Variants in TRPM1 observed in about 807,000 individuals in gnomAD.
The protein encoded by TRPM1 is TRPM1-203 APA Isoform, Intron 10.
In TRPM1, 113 loss-of-function variants were observed where a neutral mutation model predicts 149.4. The observed-to-expected ratio is 0.76, with a 90% CI of 0.65 to 0.88. The LOEUF (loss-of-function observed/expected upper bound fraction) is 0.88. TRPM1 is among the 40% of genes least tolerant of loss of function. The probability of loss-of-function intolerance (pLI) is 0.00; values close to 1 mark genes in which losing one functional copy is unlikely to be tolerated. For missense variants in TRPM1, 1,976 were observed against 2,038.7 expected (o/e 0.97, Z 0.59); for synonymous variants, 741 against 759.5 (o/e 0.98, Z 0.40).
intron 1 of TRPM1, among the ~76,000 whole-genome samples, chr15:31,133,218 C>T (rs1001092860): frequency 6.6e-6 from 1 of 151,914 alleles, no homozygotes; most frequent in East Asian, 1.9e-4. Context: ...GGGCGGATCA[C>T]TTGAGGTCAG....
upstream of TRPM1, among the ~76,000 whole-genome samples, chr15:31,105,472 TGC>T (rs1324745559): frequency 0.013 from 1,109 of 83,778 alleles, 8 homozygotes; most frequent in African/African-American, 0.052. Flanking sequence ...TGTGTGTGTG[TGC>T]GCGCGCGCGC....
chr15:31,072,016 TATAGAG>T (rs1228566569), intron 3 of TRPM1, among the ~76,000 whole-genome samples: 37 of 30,666 alleles, frequency 1.2e-3, no homozygotes, highest in South Asian at 4.0e-3. Flanking sequence ...TATATATATA[TATAGAG>T]AGAGAGAGAG....
At position 31,026,202 on chromosome 15, in the gene TRPM1, A is replaced by T; in HGVS notation, c.3566T>A (p.Phe1189Tyr). 1 of 1,612,592 alleles carries T rather than the reference A, an allele frequency of 6.2e-7. No homozygotes were observed. Among genetic ancestry groups the T allele is most frequent in the Non-Finnish European group, 8.5e-7 (1 of 1,180,008 alleles). Reference protein sequence around the residue: ...EFEEQCVQEHFREKEDEQQSS... With the variant: ...EFEEQCVQEHYREKEDEQQSS... ...CTGCTGCTCATCCTCCTTCTCCCGGAAGTGCTCCTGCACGCACTGCTCCTC... is the reference window on the plus strand; with the variant it reads ...CTGCTGCTCATCCTCCTTCTCCCGGTAGTGCTCCTGCACGCACTGCTCCTC... Residue 1189 changes from phenylalanine (F) to tyrosine (Y), a missense_variant, in exon 27 of 28, where the codon TTC becomes TAC. By Grantham distance (22) the Phe-to-Tyr change is conservative. Around this residue, in one of 3 missense-constraint regions of TRPM1, gnomAD observed 572 missense variants for 578.9 expected, o/e 0.99. Coordinates refer to ENST00000256552, the MANE Select transcript of TRPM1 (RefSeq NM_001252024.2).
intron 27 of TRPM1, among the ~76,000 whole-genome samples, chr15:31,024,048 A>G (rs1424054450): frequency 2.6e-5 from 4 of 152,158 alleles, no homozygotes; most frequent in African/African-American, 9.7e-5. Flanking sequence ...TGTAAAACTG[A>G]GTCATGAGAA....
chr15:31,064,629 G>A (rs929120131), intron 7 of TRPM1, among the ~76,000 whole-genome samples: 1 of 152,206 alleles, frequency 6.6e-6, no homozygotes, highest in East Asian at 1.9e-4. Context: ...TGGAAGTATC[G>A]TTGGTCTCAG....
At position 31,107,863 on chromosome 15, in the gene TRPM1, CT is replaced by C. The variant is rs1274420865; in HGVS notation, c.55-30880del. ...TGAATTTGTAAATTTCTTTTCTTTT[CT>C]TTTTTTTTTTTGAGACTGAGTCTTG... On this transcript the variant is annotated intron_variant, in intron 1 of 26. Coordinates refer to the TRPM1 transcript ENST00000542188. 1.0e-3 allele frequency among the ~76,000 whole-genome samples: 149 copies of C among 143,568 alleles called. 1 individual carries two copies. Among genetic ancestry groups the C allele is most frequent in the Middle Eastern group, 3.5e-3 (1 of 282 alleles). The allele number at this position is 143,568 out of a possible 152,430, so 94.2% of individuals were successfully genotyped here. A position where few individuals can be genotyped will look rare whatever the true frequency, so the allele number is the denominator to read the frequency against.
intron 1 of TRPM1, among the ~76,000 whole-genome samples, chr15:31,138,233 A>G (rs1316235073): frequency 3.3e-5 from 5 of 152,088 alleles, no homozygotes; most frequent in Non-Finnish European, 5.9e-5. Flanking sequence ...CCGCCCTCAC[A>G]AAGATTTTGA....
At chr15:31,078,998 TTC>T (rs1447824943) in intron 2 of TRPM1, among the ~76,000 whole-genome samples, 9 of 152,314 alleles carry the variant, frequency 5.9e-5, no homozygotes, top group Admixed American at 4.6e-4. Flanking sequence ...GGAGCTGGGT[TTC>T]TCACTGCTGG....
intron 3 of TRPM1, 176 bp from the exon 4 acceptor site, chr15:31,070,402 A>G (rs2034507437): frequency 1.4e-6 from 1 of 715,610 alleles, no homozygotes; most frequent in African/African-American, 1.7e-5. Context: ...TTTCCAGATA[A>G]TCAGTGCACA....
In TRPM1 at chr15:31,076,958, G is replaced by C. The variant is rs180878088; in HGVS notation, c.30C>G (p.Thr10=). MGQKSWIEK[T]FCKRECIFVI... is the part of the protein sequence containing the mutation. ...CAAAGATACATTCCCGTTTGCAAAA[G>C]GTTTTCTCTATCCAAGATTTCTGAC... The change falls in exon 3 of 28, where the codon ACC becomes ACG. Residue 10 remains threonine, a synonymous_variant. Transcript: ENST00000256552. 1.4e-5 allele frequency: 22 copies of C among 1,612,520 alleles called. No individual in the cohort carries two copies. The South Asian group carries it at 2.1e-4, about 15-fold the overall frequency.
In TRPM1 at chr15:31,146,495, C is replaced by T. The variant is rs2141056953; in HGVS notation, c.54+14411G>A. On this transcript the variant is annotated intron_variant, in intron 1 of 26. Coordinates refer to the TRPM1 transcript ENST00000542188. ...TCACCAAATGGAAACTAAGTTGTTA[C>T]CTGGCCTTCTGGGAAATCAGGAAAG... 2.6e-5 allele frequency among the ~76,000 whole-genome samples: 4 copies of T among 152,360 alleles called. 1 individual carries two copies. Among genetic ancestry groups the T allele is most frequent in the Admixed American group, 2.6e-4 (4 of 15,306 alleles).
rs767868813 is a variant in TRPM1 at position 31,068,027 on chromosome 15, C to A, written c.345G>T (p.Gln115His). ...ATATTAAGAGCTTGGGGAGTTCCAG[C>A]TGCCAATCTTTCACCATGAGATGGA... Reference protein sequence around the residue: ...SLLHLMVKDWQLELPKLLISV... With the variant: ...SLLHLMVKDWHLELPKLLISV... Residue 115 changes from glutamine to histidine, a missense_variant, in exon 5 of 28, where the codon CAG (glutamine) becomes CAT (histidine). Gln to His is a conservative substitution (Grantham distance 24). Transcript: ENST00000256552. The A allele has an allele frequency of 1.2e-6, 2 of 1,614,210 alleles. No individual in the cohort carries two copies. The highest frequency in any genetic ancestry group is 2.2e-5 in the East Asian group (1 of 44,884).
Position 31,031,151 on chromosome 15 carries a change from C to T in TRPM1, c.2959G>A (p.Asp987Asn), listed in dbSNP as rs2033054607. The change falls in exon 23 of 28, where the codon GAC becomes AAC. Residue 987 changes from aspartate (D) to asparagine (N), a missense_variant. Coordinates refer to ENST00000256552, the MANE Select transcript of TRPM1 (RefSeq NM_001252024.2). ...YVMMIGKMMI[D>N]MLYFVVIMLV... ...ATGATGACCACAAAGTACAGCATGT[C>T]GATCATCTGAGTAAGGAGAACATTT... The T allele has an allele frequency of 1.2e-6, 2 of 1,614,150 alleles. No individual in the cohort carries two copies. Among genetic ancestry groups the T allele is most frequent in the South Asian group, 1.1e-5 (1 of 91,060 alleles).
At chr15:31,113,820 A>T (rs115933157) in intron 1 of TRPM1, among the ~76,000 whole-genome samples, 9,216 of 152,098 alleles carry the variant, frequency 0.061, 986 homozygotes, top group African/African-American at 0.21. Flanking sequence ...AGCAAGATTT[A>T]TTGTGAAGAT....
chr15:31,111,643 C>T (rs180900624), intron 1 of TRPM1, among the ~76,000 whole-genome samples: 186 of 152,260 alleles, frequency 1.2e-3, no homozygotes, highest in African/African-American at 4.1e-3. Flanking sequence ...GCTGTGGCTC[C>T]TCACAGTCCA....
chr15:31,138,702 T>A (rs2141050049), intron 1 of TRPM1, among the ~76,000 whole-genome samples: 1 of 151,800 alleles, frequency 6.6e-6, no homozygotes, highest in Non-Finnish European at 1.5e-5. Context: ...TATTTACAAC[T>A]AAATAAATAA....
chr15:31,076,127 C>T (rs899128313), intron 3 of TRPM1, among the ~76,000 whole-genome samples: 3 of 151,632 alleles, frequency 2.0e-5, no homozygotes, highest in African/African-American at 7.3e-5. Flanking sequence ...TTTCTTACCT[C>T]GGGGGGCAAT....
At chr15:31,034,415 GTGC>G (rs151165059) in intron 21 of TRPM1, among the ~76,000 whole-genome samples, 1 of 152,310 alleles carries the variant, frequency 6.6e-6, no homozygotes, top group African/African-American at 2.4e-5. Context: ...TCTGCTGCAG[GTGC>G]TGCTGTTAGG....
chr15:31,081,241 C>A, intron 2 of TRPM1, 112 bp downstream of exon 2: 1 of 772,856 alleles, frequency 1.3e-6, no homozygotes, highest in Non-Finnish European at 2.2e-6. Context: ...ATCCACTTCC[C>A]TCTGCTTCAC....
Sources: allele counts gnomAD v4.1 joint callset (sites outside exome capture counted in the v4.1 genomes callset), GRCh38; gene constraint gnomAD v4.1.1; regional missense constraint gnomAD v4.1.1; transcripts MANE v1.5; gene names NCBI Gene and HGNC (gene_info 2026-07-23, HGNC 2026-07-21).